GTF2IRD1: variants seen among roughly 807,000 people sequenced by gnomAD.
GTF2IRD1 encodes the protein general transcription factor II-I repeat domain-containing protein 1.
In GTF2IRD1, 26 loss-of-function variants were observed where a neutral mutation model predicts 113.2. The ratio of observed to expected loss-of-function variants is 0.23; its 90% CI spans 0.17 to 0.32. GTF2IRD1 has a LOEUF of 0.32. Ranked by LOEUF, GTF2IRD1 falls within the 10% of genes least tolerant of loss-of-function variation. GTF2IRD1 has a pLI of 1.00. For missense variants in GTF2IRD1, 864 were observed against 1,280.8 expected (o/e 0.67, Z 4.97); for synonymous variants, 484 against 529.1 (o/e 0.91, Z 1.17).
intron 1 of GTF2IRD1, among the ~76,000 whole-genome samples, chr7:74,454,929 C>A (rs376819315): frequency 6.6e-6 from 1 of 151,822 alleles, no homozygotes; most frequent in East Asian, 1.9e-4. Flanking sequence ...GTACCCTGGG[C>A]ATGATGGGCT....
intron 14 of GTF2IRD1, among the ~76,000 whole-genome samples, chr7:74,542,679 G>T (rs191812181): frequency 1.1e-4 from 17 of 152,352 alleles, no homozygotes; most frequent in Middle Eastern, 3.4e-3. Flanking sequence ...AGTCTGTGGC[G>T]TAGCTATCCA....
intron 1 of GTF2IRD1, among the ~76,000 whole-genome samples, chr7:74,484,451 TTC>T: frequency 6.9e-6 from 1 of 144,860 alleles, no homozygotes; most frequent in Non-Finnish European, 1.5e-5. Flanking sequence ...CCGGCCATCC[TTC>T]TTTTTTTTTT....
chr7:74,579,970 G>A (rs1472682405), intron 22 of GTF2IRD1, among the ~76,000 whole-genome samples: 6 of 152,138 alleles, frequency 3.9e-5, no homozygotes, highest in Non-Finnish European at 7.4e-5. Flanking sequence ...GTCTGGGATG[G>A]CAGAAGAACC....
rs1554348337 is a variant in GTF2IRD1 at position 74,529,910 on chromosome 7, A to G, written c.1267A>G (p.Ile423Val). The change falls in exon 9 of 27, where the codon ATT becomes GTT. Residue 423 changes from isoleucine to valine, a missense_variant. Ile to Val is a conservative substitution (Grantham distance 29). Coordinates refer to ENST00000424337, the MANE Select transcript of GTF2IRD1 (RefSeq NM_005685.4). ...LEERHSIHFI[I>V]KRMFDERIFT... ...GGAGCGCCATAGTATCCACTTCATC[A>G]TTAAGAGGTGCGGGTGGGGCTGGGC... The G allele has an allele frequency of 3.7e-6, 6 of 1,612,546 alleles. No homozygotes were observed. The Admixed American group carries it at 1.0e-4, about 27-fold the overall frequency.
intron 26 of GTF2IRD1, 188 bp downstream of exon 26, chr7:74,601,368 TC>T: frequency 6.6e-7 from 1 of 1,520,948 alleles, no homozygotes. Context: ...CCCATCCTTC[TC>T]GTGGGGTACT....
intron 17 of GTF2IRD1, among the ~76,000 whole-genome samples, chr7:74,550,322 C>T (rs1799231015): frequency 6.6e-6 from 1 of 151,990 alleles, no homozygotes; most frequent in Non-Finnish European, 1.5e-5. Context: ...AATTATAGTA[C>T]AGTAATTGGC....
intron 1 of GTF2IRD1, among the ~76,000 whole-genome samples, chr7:74,482,223 CTTTTTTTTT>C (rs5884948): frequency 9.3e-6 from 1 of 107,998 alleles, no homozygotes; most frequent in Non-Finnish European, 1.8e-5. Flanking sequence ...TCTCCTAAAA[CTTTTTTTTT>C]TTTTTTTTTT....
At position 74,480,169 on chromosome 7, in the gene GTF2IRD1, C is replaced by CT. The variant is rs577847662; in HGVS notation, c.-7+25994dup. ...AATCTTTTTTTTTTTTCCCAGTAGT[C>CT]TATTTTTTTGGTCATTTTCCCTGCC... On this transcript the variant is annotated intron_variant, in intron 1 of 26. Coordinates refer to ENST00000424337, the MANE Select transcript of GTF2IRD1 (RefSeq NM_005685.4). Among the ~76,000 whole-genome samples the CT allele has an allele frequency of 2.2e-3, 330 of 151,382 alleles. 1 individual carries two copies. The highest frequency in any genetic ancestry group is 7.7e-3 in the African/African-American group (317 of 41,262).
intron 6 of GTF2IRD1, among the ~76,000 whole-genome samples, chr7:74,520,730 G>A (rs80209973): frequency 0.037 from 4,915 of 134,584 alleles, 401 homozygotes; most frequent in East Asian, 0.36. Context: ...CCAGGAGTTC[G>A]AGACCAGCCT....
intron 8 of GTF2IRD1, among the ~76,000 whole-genome samples, chr7:74,528,475 G>A (rs1235490859): frequency 3.9e-5 from 6 of 152,042 alleles, no homozygotes; most frequent in African/African-American, 1.2e-4. Context: ...AAAGTGCTGG[G>A]ATGACAGGCA....
chr7:74,515,628 C>G, intron 4 of GTF2IRD1, 32 bp downstream of exon 4: 1 of 1,584,542 alleles, frequency 6.3e-7, no homozygotes, highest in Non-Finnish European at 8.6e-7. Flanking sequence ...TTTGGGGGCC[C>G]CAGGGAGGGT....
At chr7:74,482,801 T>C (rs1329725609) in intron 1 of GTF2IRD1, among the ~76,000 whole-genome samples, 3 of 152,184 alleles carry the variant, frequency 2.0e-5, no homozygotes, top group Non-Finnish European at 4.4e-5. Context: ...CCTTGCGAGA[T>C]TCCACCGTGG....
intron 1 of GTF2IRD1, chr7:74,506,976 G>A (rs543253962): frequency 1.3e-5 from 2 of 152,358 alleles, no homozygotes; most frequent in East Asian, 3.9e-4. Flanking sequence ...TACCCCTGAT[G>A]CCAAGTCTCC....
At chr7:74,464,913 G>A (rs1584453467) in intron 1 of GTF2IRD1, among the ~76,000 whole-genome samples, 1 of 152,128 alleles carries the variant, frequency 6.6e-6, no homozygotes, top group African/African-American at 2.4e-5. Context: ...GCCAGCACTC[G>A]GTGGGTAGCC....
intron 22 of GTF2IRD1, among the ~76,000 whole-genome samples, chr7:74,585,365 G>A (rs1252858423): frequency 2.0e-5 from 3 of 151,922 alleles, no homozygotes; most frequent in East Asian, 1.9e-4. Context: ...CACCTGCCTC[G>A]GCCTCTGAGA....
intron 1 of GTF2IRD1, among the ~76,000 whole-genome samples, chr7:74,487,996 A>G (rs1194931213): frequency 6.6e-6 from 1 of 152,170 alleles, no homozygotes; most frequent in Non-Finnish European, 1.5e-5. Flanking sequence ...TAAAAAATAA[A>G]GTTAGCCGGG....
chr7:74,594,938 T>A (rs1802316207), intron 24 of GTF2IRD1, 76 bp from the exon 25 acceptor site: 7 of 1,000,602 alleles, frequency 7.0e-6, no homozygotes, highest in Non-Finnish European at 1.1e-5. Context: ...GGCAACCGAG[T>A]GAGACTCCAT....
chr7:74,573,732 G>C (rs1292436074), intron 22 of GTF2IRD1, among the ~76,000 whole-genome samples: 1 of 152,156 alleles, frequency 6.6e-6, no homozygotes, highest in Non-Finnish European at 1.5e-5. Flanking sequence ...CCAGCCTTGT[G>C]GGGAGGGGTG....
At position 74,466,280 on chromosome 7, in the gene GTF2IRD1, T is replaced by C. The variant is rs111748341; in HGVS notation, c.-7+12104T>C. 9.6e-3 allele frequency among the ~76,000 whole-genome samples: 1,460 copies of C among 152,258 alleles called. 23 individuals are homozygous for C. Among genetic ancestry groups the C allele is most frequent in the African/African-American group, 0.032 (1,326 of 41,564 alleles). On this transcript the variant is annotated intron_variant, in intron 1 of 26. Coordinates refer to ENST00000424337, the MANE Select transcript of GTF2IRD1 (RefSeq NM_005685.4). ...CTCCCAGGTGTGTTTGATGGCAGCC[T>C]GCAGAAGTGGCTTTCTGCATGGCCC...
Sources: gnomAD v4.1 joint callset for allele counts (sites outside exome capture counted in the v4.1 genomes callset) on GRCh38, gnomAD v4.1.1 for gene constraint, MANE v1.5 for transcripts, NCBI Gene and HGNC (gene_info 2026-07-23, HGNC 2026-07-21) for gene names.